Variants in CHCHD3 observed in about 807,000 individuals in gnomAD.
CHCHD3 encodes MICOS complex subunit MIC19.
CHCHD3 carries 20 observed loss-of-function variants against 38.2 expected under a neutral mutation model. That is an observed-to-expected ratio of 0.52 (90% CI 0.37 to 0.76). The LOEUF is 0.76. Among genes scored for constraint, CHCHD3 ranks in the 30% least tolerant of loss-of-function variants. CHCHD3 has a pLI of 0.00. For missense variants in CHCHD3, 245 were observed against 279.2 expected (o/e 0.88, Z 0.87); for synonymous variants, 82 against 100.0 (o/e 0.82, Z 1.07).
At chr7:132,984,919 C>A (rs1218271054) in intron 3 of CHCHD3, among the ~76,000 whole-genome samples, 1 of 91,380 alleles carries the variant, frequency 1.1e-5, no homozygotes, top group Non-Finnish European at 2.4e-5. Context: ...GCCCCCCGCC[C>A]GGCCAGCCGC....
At chr7:132,905,227 C>A (rs1257942361) in intron 4 of CHCHD3, among the ~76,000 whole-genome samples, 1 of 151,890 alleles carries the variant, frequency 6.6e-6, no homozygotes, top group African/African-American at 2.4e-5. Context: ...TGTACATGTA[C>A]CCTAGAACTT....
intron 2 of CHCHD3, among the ~76,000 whole-genome samples, chr7:133,056,043 G>C (rs924922003): frequency 6.6e-6 from 1 of 151,930 alleles, no homozygotes; most frequent in Admixed American, 6.6e-5. Context: ...AACTACTCAG[G>C]AAACTGAGGA....
chr7:132,848,197 C>G (rs1808128935), intron 5 of CHCHD3, among the ~76,000 whole-genome samples: 1 of 152,204 alleles, frequency 6.6e-6, no homozygotes, highest in Admixed American at 6.5e-5. Flanking sequence ...AAGTGTCACT[C>G]TAGGTGGCAG....
At chr7:132,951,203 T>C (rs1811029125) in intron 4 of CHCHD3, among the ~76,000 whole-genome samples, 1 of 152,220 alleles carries the variant, frequency 6.6e-6, no homozygotes, top group Non-Finnish European at 1.5e-5. Context: ...ATTAAACTGT[T>C]GAAAAGGCCA....
At chr7:132,826,022 G>T (rs1807499610) in intron 6 of CHCHD3, among the ~76,000 whole-genome samples, 1 of 152,156 alleles carries the variant, frequency 6.6e-6, no homozygotes, top group South Asian at 2.1e-4. Context: ...GCAGGAACAG[G>T]TGTATGCTAC....
chr7:132,790,698 G>A (rs7799964), intron 7 of CHCHD3, among the ~76,000 whole-genome samples: 8,346 of 152,246 alleles, frequency 0.055, 776 homozygotes, highest in African/African-American at 0.19. Context: ...TTCCCAGAAA[G>A]TTAACCTTCT....
At chr7:132,903,803 C>T (rs577154336) in intron 4 of CHCHD3, among the ~76,000 whole-genome samples, 12 of 152,304 alleles carry the variant, frequency 7.9e-5, no homozygotes, top group African/African-American at 2.4e-4. Flanking sequence ...GAAAGCTCTT[C>T]GCAAGTATTC....
intron 4 of CHCHD3, among the ~76,000 whole-genome samples, chr7:132,903,115 C>T (rs992784261): frequency 1.1e-4 from 17 of 152,182 alleles, no homozygotes; most frequent in Non-Finnish European, 1.3e-4. Flanking sequence ...TCAGTATCTG[C>T]AAGGGATTGG....
chr7:132,973,692 T>C, intron 4 of CHCHD3: 1 of 1,025,964 alleles, frequency 9.7e-7, no homozygotes, highest in Non-Finnish European at 1.2e-6. Context: ...TCATTACGCA[T>C]GGACTTCCTT....
chr7:132,791,154 G>A (rs766847544), intron 7 of CHCHD3, among the ~76,000 whole-genome samples: 3 of 152,196 alleles, frequency 2.0e-5, no homozygotes, highest in Admixed American at 1.3e-4. Flanking sequence ...AGTCTCCTGG[G>A]AAATTTGGTC....
intron 2 of CHCHD3, among the ~76,000 whole-genome samples, chr7:133,041,264 AT>A (rs1351470696): frequency 1.3e-5 from 2 of 152,190 alleles, no homozygotes; most frequent in Non-Finnish European, 2.9e-5. Flanking sequence ...ATTAGATTAC[AT>A]TTTAGTTCCC....
In CHCHD3 at chr7:132,785,604, A is replaced by G. The variant is rs1341193190; in HGVS notation, c.*33T>C. 6.2e-7 allele frequency: 1 copy of G among 1,611,092 alleles called. No homozygotes were observed. The highest frequency in any genetic ancestry group is 8.5e-7 in the Non-Finnish European group (1 of 1,177,596). On this transcript the variant is annotated 3_prime_UTR_variant, in exon 8 of 8. Transcript: ENST00000262570. ...AAAAAATGTTCCATCTCTGGAATTA[A>G]CGTTGATGGTGTTTTGCTCATTCTG...
chr7:132,997,227 G>C (rs1812443365), intron 3 of CHCHD3, among the ~76,000 whole-genome samples: 3 of 152,130 alleles, frequency 2.0e-5, no homozygotes, highest in African/African-American at 7.2e-5. Context: ...AGGTGTTCAA[G>C]ATGAGCCCAC....
chr7:133,010,827 C>T (rs1192322150), intron 3 of CHCHD3, among the ~76,000 whole-genome samples: 1 of 152,168 alleles, frequency 6.6e-6, no homozygotes, highest in Admixed American at 6.5e-5. Flanking sequence ...GATCCGCCCG[C>T]CTCGGCCTCC....
chr7:132,937,810 AATTAGTGAAACTTTGTTACTG>A (rs1810667075), intron 4 of CHCHD3, among the ~76,000 whole-genome samples: 1 of 152,202 alleles, frequency 6.6e-6, no homozygotes, highest in Non-Finnish European at 1.5e-5. Context: ...CAGCTCTTGT[AATTAGTGAAACTTTGTTACTG>A]ATTAAGATTT....
At chr7:133,058,918 C>T (rs985259191) in intron 2 of CHCHD3, among the ~76,000 whole-genome samples, 3 of 152,170 alleles carry the variant, frequency 2.0e-5, no homozygotes, top group Non-Finnish European at 4.4e-5. Context: ...TGTGTTTGAG[C>T]ACACGGGGAG....
At chr7:132,834,945 C>CTCAT (rs1264841107) in intron 6 of CHCHD3, among the ~76,000 whole-genome samples, 130 of 147,872 alleles carry the variant, frequency 8.8e-4, no homozygotes, top group African/African-American at 2.9e-3. Flanking sequence ...TTTTTTTCCT[C>CTCAT]TCATTTATTT....
chr7:133,072,527 C>T (rs1354978382), intron 1 of CHCHD3, among the ~76,000 whole-genome samples: 1 of 152,000 alleles, frequency 6.6e-6, no homozygotes, highest in African/African-American at 2.4e-5. Flanking sequence ...GATTCAAACC[C>T]AAAAAGTCTG....
chr7:132,885,052 G>C (rs1372199917), intron 5 of CHCHD3, among the ~76,000 whole-genome samples: 1 of 152,108 alleles, frequency 6.6e-6, no homozygotes, highest in Non-Finnish European at 1.5e-5. Flanking sequence ...AGGAGCTCAA[G>C]ACCAGCATGG....
Sources: allele counts gnomAD v4.1 joint callset (sites outside exome capture counted in the v4.1 genomes callset), GRCh38; gene constraint gnomAD v4.1.1; transcripts MANE v1.5; gene names NCBI Gene and HGNC (gene_info 2026-07-23, HGNC 2026-07-21).